The following GFRAL variants were observed in gnomAD, a reference collection of about 807,000 sequenced individuals.
The protein encoded by GFRAL is GDNF family receptor alpha like.
A neutral mutation model predicts 45.4 loss-of-function variants in GFRAL; 36 were observed. The ratio of observed to expected loss-of-function variants is 0.79; its 90% CI spans 0.61 to 1.05. The LOEUF (loss-of-function observed/expected upper bound fraction) is 1.05. Ranked by LOEUF, GFRAL falls within the 50% of genes least tolerant of loss-of-function variation. The pLI is 0.00. For synonymous variants in GFRAL, 166 were observed against 154.1 expected (o/e 1.08, Z -0.57); for missense variants, 507 against 467.5 (o/e 1.08, Z -0.78).
At chr6:55,361,601 T>C (rs1010110923) in intron 6 of GFRAL, among the ~76,000 whole-genome samples, 1 of 152,058 alleles carries the variant, frequency 6.6e-6, no homozygotes, top group Non-Finnish European at 1.5e-5. Flanking sequence ...TATGGAGTGA[T>C]GACTATACTT....
At chr6:55,393,942 A>G (rs1768788845) in intron 6 of GFRAL, among the ~76,000 whole-genome samples, 1 of 152,198 alleles carries the variant, frequency 6.6e-6, no homozygotes, top group African/African-American at 2.4e-5. Flanking sequence ...TACTGGGGGT[A>G]TTTATTGAAG....
intron 3 of GFRAL, among the ~76,000 whole-genome samples, chr6:55,348,353 A>T (rs1166326599): frequency 1.3e-5 from 2 of 152,096 alleles, no homozygotes; most frequent in African/African-American, 4.8e-5. Flanking sequence ...AATACCTTCT[A>T]TGAAGCACTT....
Position 55,365,353 on chromosome 6 carries a change from G to T in GFRAL, c.952+6215G>T, listed in dbSNP as rs1175437776. Among the ~76,000 whole-genome samples, 6 of 136,744 alleles carry T rather than the reference G, an allele frequency of 4.4e-5. No individual in the cohort carries two copies. The East Asian group carries it at 1.2e-3, about 27-fold the overall frequency. The allele number at this position is 136,744 out of a possible 152,430, so 89.7% of individuals were successfully genotyped here. On this transcript the variant is annotated intron_variant, in intron 6 of 8. Coordinates refer to ENST00000340465, the MANE Select transcript of GFRAL (RefSeq NM_207410.2). ...GAAGATTTTGGGCTGAGACAATGGG[G>T]TTTTCTAGATATACAATCATGTCAT... is the stretch of plus-strand genomic sequence containing the variant.
At chr6:55,387,376 C>A (rs1379504808) in intron 6 of GFRAL, among the ~76,000 whole-genome samples, 1 of 152,160 alleles carries the variant, frequency 6.6e-6, no homozygotes, top group Non-Finnish European at 1.5e-5. Context: ...AGCAGCCTTT[C>A]CTTTATACTT....
chr6:55,372,386 C>T (rs62419117), intron 6 of GFRAL, among the ~76,000 whole-genome samples: 17,058 of 152,142 alleles, frequency 0.11, 1,051 homozygotes, highest in African/African-American at 0.16. Flanking sequence ...TGTCCTCCTA[C>T]TTGATATATT....
chr6:55,400,673 G>T (rs985762975), intron 8 of GFRAL, among the ~76,000 whole-genome samples: 1 of 151,998 alleles, frequency 6.6e-6, no homozygotes. Flanking sequence ...GGCCTTAAAA[G>T]TTACATTTGT....
rs1179725374 is a variant in GFRAL at position 55,401,837 on chromosome 6, T to C, written c.1169T>C (p.Ile390Thr). The change falls in exon 9 of 9, where the codon ATA becomes ACA. Residue 390 changes from isoleucine to threonine, a missense_variant. Physicochemically the swap from Ile to Thr is moderately conservative, Grantham distance 89. Transcript: ENST00000340465. ...GCAAGAGATCCTTCATCGATCCAAA[T>C]ACCTGGAGAACTCTGATTCATTAGG... Reference protein sequence around the residue: ...SKARDPSSIQIPGEL With the variant: ...SKARDPSSIQTPGEL The C allele has an allele frequency of 1.3e-6, 2 of 1,529,880 alleles. No homozygotes were observed. The highest frequency in any genetic ancestry group is 1.8e-6 in the Non-Finnish European group (2 of 1,102,856). The allele number at this position is 1,529,880 out of a possible 1,614,324, so 94.8% of individuals were successfully genotyped here. A position where few individuals can be genotyped will look rare whatever the true frequency, so the allele number is the denominator to read the frequency against.
chr6:55,371,192 A>G (rs1768445791), intron 6 of GFRAL, among the ~76,000 whole-genome samples: 1 of 152,206 alleles, frequency 6.6e-6, no homozygotes, highest in African/African-American at 2.4e-5. Context: ...ATTTCTAGGT[A>G]TGGCCCAAAT....
At chr6:55,344,231 A>G (rs946969825) in intron 3 of GFRAL, among the ~76,000 whole-genome samples, 9 of 152,192 alleles carry the variant, frequency 5.9e-5, no homozygotes, top group Non-Finnish European at 8.8e-5. Context: ...CAAAGACACA[A>G]CAAAAAAAGA....
At chr6:55,345,722 T>C (rs79872778) in intron 3 of GFRAL, among the ~76,000 whole-genome samples, 114,107 of 151,994 alleles carry the variant, frequency 0.75, 45,396 homozygotes, top group Non-Finnish European at 0.91. Context: ...AGAGCTTCTG[T>C]ACAGCAAAAG....
At chr6:55,394,727 C>G (rs1013358908) in intron 6 of GFRAL, among the ~76,000 whole-genome samples, 3 of 151,982 alleles carry the variant, frequency 2.0e-5, no homozygotes, top group South Asian at 4.1e-4. Context: ...GTTCCTGAGT[C>G]GTCAGCTTTT....
intron 3 of GFRAL, among the ~76,000 whole-genome samples, chr6:55,337,886 C>A (rs1767912453): frequency 6.6e-6 from 1 of 152,030 alleles, no homozygotes; most frequent in Non-Finnish European, 1.5e-5. Context: ...ATGTGTTCTC[C>A]ATTTTCTTGC....
chr6:55,354,846 C>T (rs767360966), intron 5 of GFRAL, among the ~76,000 whole-genome samples: 1 of 151,916 alleles, frequency 6.6e-6, no homozygotes, highest in Non-Finnish European at 1.5e-5. Flanking sequence ...TTTCAATTCA[C>T]GATGGGCTTT....
chr6:55,341,237 C>T (rs1288618668), intron 3 of GFRAL, among the ~76,000 whole-genome samples: 1 of 152,186 alleles, frequency 6.6e-6, no homozygotes, highest in Non-Finnish European at 1.5e-5. Context: ...CAAGTGGGTC[C>T]CTGACCCCCA....
intron 5 of GFRAL, among the ~76,000 whole-genome samples, chr6:55,355,346 A>G (rs1318938898): frequency 6.6e-6 from 1 of 151,832 alleles, no homozygotes; most frequent in African/African-American, 2.4e-5. Context: ...CATTTTTCTT[A>G]GAATAAATTA....
At chr6:55,395,175 A>AATATATATATATATATAT (rs1234650477) in intron 6 of GFRAL, among the ~76,000 whole-genome samples, 10 of 123,490 alleles carry the variant, frequency 8.1e-5, no homozygotes, top group African/African-American at 2.8e-4. Context: ...AAAAAAAAAA[A>AATATATATATATATATAT]ATATATATAT....
intron 3 of GFRAL, among the ~76,000 whole-genome samples, chr6:55,340,246 A>G (rs1341388861): frequency 6.6e-6 from 1 of 152,196 alleles, no homozygotes; most frequent in Non-Finnish European, 1.5e-5. Flanking sequence ...TCACTTCAAC[A>G]AAATGGTTTT....
intron 8 of GFRAL, among the ~76,000 whole-genome samples, chr6:55,401,056 C>G (rs1340712421): frequency 6.6e-6 from 1 of 152,102 alleles, no homozygotes; most frequent in Non-Finnish European, 1.5e-5. Flanking sequence ...TTTGCTGTAA[C>G]TTCGTCTTTT....
At chr6:55,331,128 T>C (rs1767823079) in intron 1 of GFRAL, among the ~76,000 whole-genome samples, 1 of 152,060 alleles carries the variant, frequency 6.6e-6, no homozygotes, top group Non-Finnish European at 1.5e-5. Flanking sequence ...ATCATCAGAC[T>C]AACATTTTAG....
Sources: gnomAD v4.1 joint callset for allele counts (sites outside exome capture counted in the v4.1 genomes callset) on GRCh38, gnomAD v4.1.1 for gene constraint, MANE v1.5 for transcripts, NCBI Gene and HGNC (gene_info 2026-07-23, HGNC 2026-07-21) for gene names.